The following ST6GALNAC3 variants were observed in gnomAD, a reference collection of about 807,000 sequenced individuals.
ST6GALNAC3 encodes the protein ST6 N-acetylgalactosaminide alpha-2,6-sialyltransferase 3, also known as alpha-N-acetylgalactosaminide alpha-2,6-sialyltransferase 3.
ST6GALNAC3 carries 25 observed loss-of-function variants against 32.7 expected under a neutral mutation model. The observed-to-expected ratio is 0.76, with a 90% confidence interval of 0.56 to 1.07. ST6GALNAC3 has a LOEUF of 1.07. Among genes scored for constraint, ST6GALNAC3 ranks in the 50% least tolerant of loss-of-function variants. The pLI, the probability that ST6GALNAC3 is intolerant of heterozygous loss-of-function variation, is 0.00. For synonymous variants in ST6GALNAC3, 129 were observed against 133.1 expected (o/e 0.97, Z 0.21); for missense variants, 355 against 382.4 (o/e 0.93, Z 0.60).
intron 2 of ST6GALNAC3, among the ~76,000 whole-genome samples, chr1:76,371,689 G>T (rs1009268369): frequency 6.6e-6 from 1 of 152,144 alleles, no homozygotes; most frequent in African/African-American, 2.4e-5. Flanking sequence ...ACTTTTGAAT[G>T]ACAATATTTT....
In ST6GALNAC3 at chr1:76,536,196, G is replaced by A. The variant is rs147045276; in HGVS notation, c.624-91256G>A. The stretch of plus-strand genomic sequence containing the variant: ...GATAAAATATCTAGTTACCAATAAC[G>A]ACCTAGGAAAATGATCACAATTCAG... On this transcript the variant is annotated intron_variant, in intron 3 of 4. Coordinates refer to ENST00000328299, the MANE Select transcript of ST6GALNAC3 (RefSeq NM_152996.4). Among the ~76,000 whole-genome samples the A allele has an allele frequency of 1.9e-3, 288 of 152,180 alleles. 1 individual carries two copies. The highest frequency in any genetic ancestry group is 6.5e-3 in the African/African-American group (270 of 41,534).
intron 3 of ST6GALNAC3, among the ~76,000 whole-genome samples, chr1:76,593,549 A>G (rs909075028): frequency 1.3e-5 from 2 of 152,212 alleles, no homozygotes; most frequent in African/African-American, 4.8e-5. Context: ...CAGAATAAAA[A>G]GAGGTTTTAT....
intron 1 of ST6GALNAC3, among the ~76,000 whole-genome samples, chr1:76,173,024 C>A (rs1652623092): frequency 2.0e-5 from 3 of 152,060 alleles, no homozygotes; most frequent in African/African-American, 7.2e-5. Flanking sequence ...CCCCATATAG[C>A]CAAGACAACC....
At chr1:76,597,522 G>C (rs141728563) in intron 3 of ST6GALNAC3, among the ~76,000 whole-genome samples, 1 of 151,906 alleles carries the variant, frequency 6.6e-6, no homozygotes, top group Admixed American at 6.6e-5. Context: ...TTTTGGAATC[G>C]CCTCCCAGAT....
At chr1:76,494,550 AACACACACACAC>A (rs55892265) in intron 3 of ST6GALNAC3, among the ~76,000 whole-genome samples, 20 of 63,838 alleles carry the variant, frequency 3.1e-4, no homozygotes, top group African/African-American at 1.0e-3. Flanking sequence ...CATGTGTATA[AACACACACACAC>A]ACACACACAC....
chr1:76,568,345 C>T (rs1031196798), intron 3 of ST6GALNAC3, among the ~76,000 whole-genome samples: 3 of 152,152 alleles, frequency 2.0e-5, no homozygotes, highest in African/African-American at 7.2e-5. Context: ...TTGAACTGAC[C>T]TGCATGTTAA....
intron 3 of ST6GALNAC3, among the ~76,000 whole-genome samples, chr1:76,619,112 GA>G: frequency 6.6e-6 from 1 of 152,208 alleles, no homozygotes; most frequent in Non-Finnish European, 1.5e-5. Flanking sequence ...GTACAGACAG[GA>G]TAAGAGGGTA....
chr1:76,106,036 A>G (rs1183021475), intron 1 of ST6GALNAC3, among the ~76,000 whole-genome samples: 1 of 152,194 alleles, frequency 6.6e-6, no homozygotes, highest in Non-Finnish European at 1.5e-5. Flanking sequence ...GACATTAGGC[A>G]CTTTTCTTAA....
At chr1:76,556,691 A>G (rs1664947964) in intron 3 of ST6GALNAC3, among the ~76,000 whole-genome samples, 1 of 152,020 alleles carries the variant, frequency 6.6e-6, no homozygotes, top group Non-Finnish European at 1.5e-5. Flanking sequence ...GTTTCTTCAA[A>G]TCGTTTGACC....
intron 3 of ST6GALNAC3, among the ~76,000 whole-genome samples, chr1:76,532,670 T>C (rs1663333512): frequency 6.6e-6 from 1 of 152,178 alleles, no homozygotes; most frequent in African/African-American, 2.4e-5. Context: ...TTAAGGGTAT[T>C]AAGCAGAGGA....
At chr1:76,217,763 C>T (rs919876854) in intron 1 of ST6GALNAC3, among the ~76,000 whole-genome samples, 13 of 152,148 alleles carry the variant, frequency 8.5e-5, no homozygotes, top group African/African-American at 3.1e-4. Context: ...AGAGAACATA[C>T]GATGTTTGGT....
At chr1:76,375,809 A>C (rs1256506454) in intron 2 of ST6GALNAC3, among the ~76,000 whole-genome samples, 1 of 152,252 alleles carries the variant, frequency 6.6e-6, no homozygotes, top group Non-Finnish European at 1.5e-5. Context: ...ATGGAATACT[A>C]TGCAGCTATT....
At position 76,309,830 on chromosome 1, in the gene ST6GALNAC3, T is replaced by A. The variant is rs954264630; in HGVS notation, c.19-3975T>A. 23 of 398,652 alleles carry A rather than the reference T, an allele frequency of 5.8e-5. No individual in the cohort carries two copies. The Admixed American group carries it at 6.1e-4, about 10-fold the overall frequency. 24.7% of individuals were successfully genotyped at this position (398,652 alleles called of 1,614,324 possible). ...TGGCTTCTGCTCTCTGGTTGCTCCC[T>A]TCACCCTCTCTGTGCTCATTACTTG... On this transcript the variant is annotated intron_variant, in intron 1 of 4. Transcript: ENST00000328299.
chr1:76,087,812 A>C (rs1166493181), intron 1 of ST6GALNAC3, among the ~76,000 whole-genome samples: 1 of 152,240 alleles, frequency 6.6e-6, no homozygotes, highest in Non-Finnish European at 1.5e-5. Flanking sequence ...TAACTTGCCC[A>C]TGATAATAAT....
At chr1:76,385,681 C>A (rs1652043037) in intron 2 of ST6GALNAC3, among the ~76,000 whole-genome samples, 1 of 151,974 alleles carries the variant, frequency 6.6e-6, no homozygotes, top group Non-Finnish European at 1.5e-5. Context: ...CCCTCGAATA[C>A]CTAGAACTAT....
intron 1 of ST6GALNAC3, among the ~76,000 whole-genome samples, chr1:76,216,710 T>A (rs771656926): frequency 7.2e-5 from 11 of 152,234 alleles, no homozygotes; most frequent in Admixed American, 3.3e-4. Context: ...TGAAATCCAA[T>A]GTGGAAAGGA....
chr1:76,625,784 C>T (rs1648930822), intron 3 of ST6GALNAC3, among the ~76,000 whole-genome samples: 1 of 151,858 alleles, frequency 6.6e-6, no homozygotes, highest in African/African-American at 2.4e-5. Flanking sequence ...GCATCTATTG[C>T]TGCCCCATGT....
At chr1:76,559,430 G>A (rs1391505423) in intron 3 of ST6GALNAC3, among the ~76,000 whole-genome samples, 1 of 152,144 alleles carries the variant, frequency 6.6e-6, no homozygotes, top group East Asian at 1.9e-4. Context: ...GAAAACAGAA[G>A]AGTAAATTTC....
chr1:76,151,327 A>G (rs576178647), intron 1 of ST6GALNAC3, among the ~76,000 whole-genome samples: 1 of 152,366 alleles, frequency 6.6e-6, no homozygotes, highest in Admixed American at 6.5e-5. Flanking sequence ...TCTGCATTAC[A>G]GTCAGCCATG....
Sources: allele counts gnomAD v4.1 joint callset (sites outside exome capture counted in the v4.1 genomes callset), GRCh38; gene constraint gnomAD v4.1.1; transcripts MANE v1.5; gene names NCBI Gene and HGNC (gene_info 2026-07-23, HGNC 2026-07-21).